The following NAA15 variants were observed in gnomAD, a reference collection of about 807,000 sequenced individuals.
NAA15 encodes N-alpha-acetyltransferase 15, NatA auxiliary subunit.
In NAA15, 34 loss-of-function variants were observed where a neutral mutation model predicts 114.0. That is an observed-to-expected ratio of 0.30 (90% confidence interval 0.23 to 0.40). The LOEUF (loss-of-function observed/expected upper bound fraction) is 0.40. NAA15 is among the 10% of genes least tolerant of loss of function. The pLI is 1.00. For missense variants in NAA15, 658 were observed against 1,004.5 expected (o/e 0.66, Z 4.66); for synonymous variants, 340 against 338.0 (o/e 1.01, Z -0.06).
At chr4:139,357,655 G>A in intron 11 of NAA15, 100 bp downstream of exon 11, 1 of 785,152 alleles carries the variant, frequency 1.3e-6, no homozygotes. Flanking sequence ...AGTGACATTT[G>A]ATAACTCAAA....
At chr4:139,376,584 C>T (rs1034144673) in intron 16 of NAA15, 111 bp downstream of exon 16, 73 of 698,588 alleles carry the variant, frequency 1.0e-4, no homozygotes, top group East Asian at 7.2e-4. Flanking sequence ...CAAATGCCAA[C>T]GCAGCTTTCT....
In NAA15 at chr4:139,387,905, G is replaced by A. The variant is rs760640934; in HGVS notation, c.2422G>A (p.Ala808Thr). 6.2e-7 allele frequency: 1 copy of A among 1,613,908 alleles called. No homozygotes were observed. Among genetic ancestry groups the A allele is most frequent in the Non-Finnish European group, 8.5e-7 (1 of 1,179,880 alleles). The change falls in exon 20 of 20, where the codon GCC (alanine) becomes ACC (threonine). Residue 808 changes from alanine (A) to threonine (T), a missense_variant. Ala to Thr is a moderately conservative substitution (Grantham distance 58). This residue lies in a region of NAA15 where 275 missense variants were observed against 371.1 expected (regional missense o/e 0.74). Coordinates refer to ENST00000296543, the MANE Select transcript of NAA15 (RefSeq NM_057175.5). ...TTAGACATGTATGGAGGTATTGGAA[G>A]CCTTGTATGATGGTAGCCTAGGAGA... is the stretch of plus-strand genomic sequence containing the variant. ...NLQTCMEVLEALYDGSLGDCK... is the reference protein window; with the variant it reads ...NLQTCMEVLETLYDGSLGDCK...
intron 1 of NAA15, among the ~76,000 whole-genome samples, chr4:139,302,821 C>T (rs980467786): frequency 6.6e-6 from 1 of 152,112 alleles, no homozygotes; most frequent in Non-Finnish European, 1.5e-5. Context: ...TAAAATATGT[C>T]CTGTAGCCTT....
At chr4:139,374,756 A>G (rs1748536281) in intron 15 of NAA15, among the ~76,000 whole-genome samples, 1 of 152,140 alleles carries the variant, frequency 6.6e-6, no homozygotes. Flanking sequence ...ACCCTGACAA[A>G]GTCTTACCTA....
intron 18 of NAA15, among the ~76,000 whole-genome samples, chr4:139,385,800 C>A (rs1560984398): frequency 6.6e-6 from 1 of 152,216 alleles, no homozygotes; most frequent in Non-Finnish European, 1.5e-5. Context: ...AGAAAGAAGA[C>A]TATCATGGTC....
chr4:139,324,192 T>C (rs994505809), intron 1 of NAA15, among the ~76,000 whole-genome samples: 3 of 152,236 alleles, frequency 2.0e-5, no homozygotes, highest in Non-Finnish European at 4.4e-5. Flanking sequence ...TTTAATTATA[T>C]CCTGGTTTGC....
At chr4:139,311,500 G>A (rs1485040627) in intron 1 of NAA15, among the ~76,000 whole-genome samples, 1 of 151,928 alleles carries the variant, frequency 6.6e-6, no homozygotes, top group Non-Finnish European at 1.5e-5. Flanking sequence ...CTATATTATG[G>A]TAAGACTTTG....
intron 1 of NAA15, among the ~76,000 whole-genome samples, chr4:139,316,967 C>A (rs1271392452): frequency 1.3e-5 from 2 of 151,510 alleles, no homozygotes; most frequent in Non-Finnish European, 2.9e-5. Flanking sequence ...CTGTGCCTTG[C>A]TAAAACTGTT....
intron 17 of NAA15, 58 bp from the exon 18 acceptor site, chr4:139,384,774 C>T: frequency 1.7e-6 from 2 of 1,170,292 alleles, no homozygotes; most frequent in Non-Finnish European, 2.3e-6. Context: ...CAAAAATAAA[C>T]TTTTGTAAAC....
chr4:139,359,592 G>C (rs1397410967), intron 11 of NAA15, 151 bp from the exon 12 acceptor site: 2 of 635,006 alleles, frequency 3.1e-6, no homozygotes, highest in East Asian at 6.5e-5. Context: ...TATTATGGAA[G>C]AATGCATTTC....
At chr4:139,315,917 A>G (rs1746397865) in intron 1 of NAA15, among the ~76,000 whole-genome samples, 1 of 150,168 alleles carries the variant, frequency 6.7e-6, no homozygotes, top group Admixed American at 6.6e-5. Flanking sequence ...TTGGTTTATC[A>G]GCTTTAAATT....
rs1201177048 is a variant in NAA15 at position 139,391,074 on chromosome 4, A to G, written c.*2990A>G. The G allele has an allele frequency of 6.6e-6, 1 of 152,240 alleles. No homozygotes were observed. Among genetic ancestry groups the G allele is most frequent in the East Asian group, 1.9e-4 (1 of 5,208 alleles). The allele number at this position is 152,240 out of a possible 1,614,324, so 9.4% of individuals were successfully genotyped here. ...GGACTTTGTTGCAAGATAGGTATAT[A>G]CTTGTGTCAGATAATTAAAGCCTTA... On this transcript the variant is annotated 3_prime_UTR_variant, in exon 20 of 20. Transcript: ENST00000296543.
chr4:139,366,356 A>G (rs1340470029), intron 14 of NAA15, among the ~76,000 whole-genome samples: 1 of 152,112 alleles, frequency 6.6e-6, no homozygotes, highest in African/African-American at 2.4e-5. Context: ...TAGTCTCTCC[A>G]TAGTTTCTAA....
At chr4:139,380,001 C>T (rs1445224312) in intron 17 of NAA15, among the ~76,000 whole-genome samples, 1 of 152,154 alleles carries the variant, frequency 6.6e-6, no homozygotes, top group South Asian at 2.1e-4. Flanking sequence ...GCCGAGATCA[C>T]GCCACTACAC....
chr4:139,357,311 C>CA, intron 10 of NAA15, 75 bp from the exon 11 acceptor site: 3 of 1,265,696 alleles, frequency 2.4e-6, no homozygotes, highest in Non-Finnish European at 3.4e-6. Flanking sequence ...TGTTAATAAA[C>CA]ATAGGGACCA....
At position 139,346,644 on chromosome 4, in the gene NAA15, G is replaced by A. The variant is rs192503885; in HGVS notation, c.691+2305G>A. On this transcript the variant is annotated intron_variant, in intron 6 of 19. Coordinates refer to ENST00000296543, the MANE Select transcript of NAA15 (RefSeq NM_057175.5). The stretch of plus-strand genomic sequence containing the variant: ...TGGCTCGCCGCAACCTCCACCTCCC[G>A]GGTTCAAGCGATTCTGCCTCAGCCT... Among the ~76,000 whole-genome samples the A allele has an allele frequency of 5.1e-3, 775 of 151,754 alleles. 10 individuals carry two copies. Among genetic ancestry groups the A allele is most frequent in the African/African-American group, 0.018 (742 of 41,336 alleles).
intron 15 of NAA15, among the ~76,000 whole-genome samples, chr4:139,372,001 C>T (rs181636306): frequency 2.0e-5 from 3 of 152,172 alleles, no homozygotes; most frequent in African/African-American, 7.2e-5. Flanking sequence ...CTGCAAGCTC[C>T]GCCTCCCAGG....
chr4:139,362,827 T>C (rs1271621870), intron 14 of NAA15, among the ~76,000 whole-genome samples: 2 of 151,710 alleles, frequency 1.3e-5, no homozygotes, highest in Non-Finnish European at 2.9e-5. Flanking sequence ...TACAAAAATA[T>C]GAATTTTGTG....
At chr4:139,320,857 G>T (rs1167463026) in intron 1 of NAA15, among the ~76,000 whole-genome samples, 1 of 151,996 alleles carries the variant, frequency 6.6e-6, no homozygotes, top group Non-Finnish European at 1.5e-5. Flanking sequence ...TCATCATGTT[G>T]CCCAGGCTGA....
Sources: allele counts gnomAD v4.1 joint callset (sites outside exome capture counted in the v4.1 genomes callset), GRCh38; gene constraint gnomAD v4.1.1; regional missense constraint gnomAD v4.1.1; transcripts MANE v1.5; gene names NCBI Gene and HGNC (gene_info 2026-07-23, HGNC 2026-07-21).